C1QTNF5: variants seen among roughly 807,000 people sequenced by gnomAD.
C1QTNF5 encodes complement C1q tumor necrosis factor-related protein 5.
In C1QTNF5, 5 loss-of-function variants were observed where a neutral mutation model predicts 10.9. That is an observed-to-expected ratio of 0.46 (90% CI 0.24 to 0.97). C1QTNF5 has a LOEUF of 0.97. C1QTNF5 is among the 50% of genes least tolerant of loss of function. The probability of loss-of-function intolerance (pLI) is 0.19; values close to 1 mark genes in which losing one functional copy is unlikely to be tolerated. For synonymous variants in C1QTNF5, 161 were observed against 156.5 expected (o/e 1.03, Z -0.22); for missense variants, 281 against 339.4 (o/e 0.83, Z 1.35).
In C1QTNF5 at chr11:119,340,394, T is replaced by A; in HGVS notation, c.4A>T (p.Arg2Trp). Residue 2 changes from arginine (R) to tryptophan (W), a missense_variant, in exon 2 of 3, where the codon AGG (arginine) becomes TGG (tryptophan). Physicochemically the swap from Arg to Trp is moderately radical, Grantham distance 101. Transcript: ENST00000528368. M[R>W]PLLVLLLLGL... ...AGGAGCAGCAGGACGAGGAGTGGCC[T>A]CATAGCGCTGGCACCGGGAGCCCGG... 1 of 1,544,952 alleles carries A rather than the reference T, an allele frequency of 6.5e-7. No individual in the cohort carries two copies.
At chr11:119,345,096 A>AC, upstream of C1QTNF5, 1 of 1,498,566 alleles carries the variant, frequency 6.7e-7, no homozygotes, top group East Asian at 2.4e-5. Context: ...TATTTTCTCA[A>AC]CCCCCAAACT....
upstream of C1QTNF5, chr11:119,344,777 G>A (rs930883538): frequency 6.2e-7 from 1 of 1,613,920 alleles, no homozygotes. Context: ...GGCACCAGGA[G>A]TCAGGGAGGC....
At chr11:119,343,945 G>T, upstream of C1QTNF5, 1 of 1,613,190 alleles carries the variant, frequency 6.2e-7, no homozygotes. Flanking sequence ...GGCAGGCACC[G>T]AGATATGCCA....
chr11:119,339,486 C>T lies in C1QTNF5; in HGVS notation c.577G>A (p.Gly193Arg). The T allele has an allele frequency of 6.2e-7, 1 of 1,614,060 alleles. No homozygotes were observed. Among genetic ancestry groups the T allele is most frequent in the South Asian group, 1.1e-5 (1 of 91,084 alleles). ...GGCTCCAGCCTCACCATGGCCCCCC[C>T]CGAGAGCGAGGCTGGCTTGGGCCAC... The part of the protein sequence containing the change: ...GGWPKPASLS[G>R]GAMVRLEPED... The change falls in exon 3 of 3, where the codon GGG (glycine) becomes AGG (arginine). Residue 193 changes from glycine to arginine, a missense_variant. By Grantham distance (125) the Gly-to-Arg change is moderately radical (BLOSUM62 -2). Coordinates refer to ENST00000528368, the MANE Select transcript of C1QTNF5 (RefSeq NM_001278431.2). The surrounding 1 kb of genome is among the most constrained non-coding windows in gnomAD (Gnocchi z 5.4).
upstream of C1QTNF5, chr11:119,345,381 C>T: frequency 6.3e-7 from 1 of 1,598,248 alleles, no homozygotes; most frequent in Non-Finnish European, 8.6e-7. Context: ...GATAGTGGTT[C>T]AGGACACGGT....
At chr11:119,343,932 T>G (rs762880760), upstream of C1QTNF5, 5 of 1,613,562 alleles carry the variant, frequency 3.1e-6, no homozygotes, top group Non-Finnish European at 3.4e-6. Flanking sequence ...CTATGCTGTG[T>G]CCGGCAGGCA....
upstream of C1QTNF5, chr11:119,341,591 C>T (rs933941325): frequency 3.7e-6 from 6 of 1,612,950 alleles, no homozygotes; most frequent in Middle Eastern, 1.7e-4. Context: ...CTCTGGCAGC[C>T]TGTTGCAGTT....
chr11:119,340,468 G>C, intron 1 of C1QTNF5, 28 bp from the exon 2 acceptor site: 1 of 1,476,192 alleles, frequency 6.8e-7, no homozygotes, highest in Non-Finnish European at 9.1e-7. Flanking sequence ...CTGGAGTCGG[G>C]ACCCAGAATC....
At position 119,340,073 on chromosome 11, in the gene C1QTNF5, C is replaced by CG. The variant is rs557540520; in HGVS notation, c.214+110dup. ...CTCCCCCGCTCAGGGCTGCAAAGCG[C>CG]GGGGAGTGGCGCCCCCTGGCGGGAG... On this transcript the variant is annotated intron_variant, in intron 2 of 2. Transcript: ENST00000528368. 56 of 1,343,576 alleles carry CG rather than the reference C, an allele frequency of 4.2e-5. No individual in the cohort carries two copies. In the African/African-American group the frequency reaches 7.7e-4, roughly 19 times the overall value. The allele number at this position is 1,343,576 out of a possible 1,614,324, so 83.2% of individuals were successfully genotyped here.
upstream of C1QTNF5, chr11:119,345,342 TCCC>T (rs985038010): frequency 1.3e-5 from 19 of 1,448,010 alleles, no homozygotes; most frequent in African/African-American, 2.5e-4. Context: ...TTAGCCCTTC[TCCC>T]TGCCACTCCC....
chr11:119,345,543 T>A, upstream of C1QTNF5: 1 of 1,614,016 alleles, frequency 6.2e-7, no homozygotes, highest in East Asian at 2.2e-5. Flanking sequence ...CACCTGGATA[T>A]GCCACACGCA....
At chr11:119,345,089 T>C, upstream of C1QTNF5, 3 of 1,522,678 alleles carry the variant, frequency 2.0e-6, no homozygotes, top group South Asian at 1.2e-5. Flanking sequence ...GCAGTCCTAT[T>C]TTCTCAACCC....
upstream of C1QTNF5, chr11:119,344,055 G>A: frequency 6.6e-7 from 1 of 1,515,352 alleles, no homozygotes; most frequent in South Asian, 1.1e-5. Flanking sequence ...ACTGCTGGCT[G>A]GGGGGATGGG....
chr11:119,341,866 G>T (rs773497972), upstream of C1QTNF5: 2 of 1,606,356 alleles, frequency 1.2e-6, no homozygotes, highest in Non-Finnish European at 8.5e-7. Flanking sequence ...CCTTGTAACC[G>T]CTGAGGACCT....
upstream of C1QTNF5, chr11:119,344,838 AGTGGACACTCAACAGGCAG>A (rs1565294935): frequency 1.2e-6 from 2 of 1,613,464 alleles, no homozygotes; most frequent in Admixed American, 1.7e-5. Context: ...AGGGGAAGAA[AGTGGACACTCAACAGGCAG>A]GTGGGAACAC....
upstream of C1QTNF5, chr11:119,340,998 C>T: frequency 5.6e-6 from 1 of 178,456 alleles, no homozygotes; most frequent in Non-Finnish European, 1.2e-5. Flanking sequence ...GAGCTGGGCA[C>T]AGAGAGGCAG....
chr11:119,344,991 C>A (rs538987112), upstream of C1QTNF5: 4 of 1,605,778 alleles, frequency 2.5e-6, no homozygotes, highest in African/African-American at 1.3e-5. Context: ...GGGGGAGGCA[C>A]CCTTCCACAA....
In C1QTNF5 at chr11:119,340,453, C is replaced by T. The variant is rs886047821; in HGVS notation, c.-43-13G>A. On this transcript the variant is annotated splice_polypyrimidine_tract_variant and intron_variant, in intron 1 of 2. Coordinates refer to ENST00000528368, the MANE Select transcript of C1QTNF5 (RefSeq NM_001278431.2). ...GTCCTCTCGCAGTCTGTGGACCAGGCAGGACTGGAGTCGGGACCCAGAATC... is the reference window on the plus strand; with the variant it reads ...GTCCTCTCGCAGTCTGTGGACCAGGTAGGACTGGAGTCGGGACCCAGAATC... The T allele has an allele frequency of 6.6e-7, 1 of 1,513,150 alleles. No homozygotes were observed. Among genetic ancestry groups the T allele is most frequent in the African/African-American group, 1.4e-5 (1 of 71,976 alleles). 93.7% of individuals were successfully genotyped at this position (1,513,150 alleles called of 1,614,324 possible).
upstream of C1QTNF5, chr11:119,344,589 A>C: frequency 6.2e-7 from 1 of 1,613,544 alleles, no homozygotes; most frequent in Non-Finnish European, 8.5e-7. Context: ...GCTTGAACCC[A>C]GATCAGACGC....
Sources: allele counts gnomAD v4.1 joint callset, GRCh38; gene constraint gnomAD v4.1.1; non-coding constraint Gnocchi (gnomAD v3.1); transcripts MANE v1.5; gene names NCBI Gene and HGNC (gene_info 2026-07-23, HGNC 2026-07-21).